CEP135: variants seen among roughly 807,000 people sequenced by gnomAD.
The protein encoded by CEP135 is centrosomal protein of 135 kDa.
A neutral mutation model predicts 157.3 loss-of-function variants in CEP135; 142 were observed. That is an observed-to-expected ratio of 0.90 (90% confidence interval 0.79 to 1.04). CEP135 has a LOEUF of 1.04. Among genes scored for constraint, CEP135 ranks in the 50% least tolerant of loss-of-function variants. CEP135 has a pLI of 0.00. For synonymous variants in CEP135, 396 were observed against 439.8 expected (o/e 0.90, Z 1.25); for missense variants, 1,317 against 1,309.2 (o/e 1.01, Z -0.09).
At chr4:55,994,980 T>C (rs4391104) in intron 15 of CEP135, among the ~76,000 whole-genome samples, 83,179 of 152,048 alleles carry the variant, frequency 0.55, 23,079 homozygotes, top group African/African-American at 0.63. Flanking sequence ...GCCACACGCC[T>C]GACCTAAGCA....
chr4:56,010,328 C>T (rs1186905113), intron 19 of CEP135, among the ~76,000 whole-genome samples: 2 of 146,684 alleles, frequency 1.4e-5, no homozygotes, highest in Non-Finnish European at 3.0e-5. Context: ...TGCCACTGCA[C>T]TCCAGCCTGG....
chr4:55,968,917 C>T (rs1237509996), intron 8 of CEP135, 146 bp from the exon 9 acceptor site: 6 of 495,106 alleles, frequency 1.2e-5, no homozygotes, highest in African/African-American at 1.0e-4. Context: ...AATTTTGCCT[C>T]TTCGTTGAAA....
intron 5 of CEP135, among the ~76,000 whole-genome samples, chr4:55,959,314 A>G (rs574921952): frequency 1.3e-5 from 2 of 152,274 alleles, no homozygotes; most frequent in Admixed American, 6.5e-5. Context: ...CAGAAAACAC[A>G]TTTTAGTTTC....
chr4:55,968,551 C>T (rs1238667946), intron 8 of CEP135, among the ~76,000 whole-genome samples: 1 of 152,118 alleles, frequency 6.6e-6, no homozygotes, highest in Non-Finnish European at 1.5e-5. Context: ...TCTTTTTCCA[C>T]CACCTTTTGC....
At position 55,965,683 on chromosome 4, in the gene CEP135, C is replaced by T. The variant is rs763361090; in HGVS notation, c.868C>T (p.Arg290Cys). Residue 290 changes from arginine (R) to cysteine (C), a missense_variant, in exon 8 of 26, where the codon CGT becomes TGT. By Grantham distance (180) the Arg-to-Cys change is radical (BLOSUM62 -3). Transcript: ENST00000257287. Reference protein sequence around the residue: ...LQQANKDLEKRIRELMETKET... With the variant: ...LQQANKDLEKCIRELMETKET... ...GCAAGCTAATAAAGACCTGGAGAAG[C>T]GTATACGAGAGCTTATGGAAACCAA... 1.7e-5 allele frequency: 27 copies of T among 1,612,480 alleles called. 2 individuals are homozygous for T. In the South Asian group the frequency reaches 2.8e-4, roughly 16 times the overall value.
intron 1 of CEP135, among the ~76,000 whole-genome samples, chr4:55,950,953 C>T (rs1728344878): frequency 6.6e-6 from 1 of 152,200 alleles, no homozygotes; most frequent in African/African-American, 2.4e-5. Context: ...CCCCAGACAA[C>T]TCTTGTTTTA....
At chr4:55,949,842 T>C (rs1728305692) in intron 1 of CEP135, among the ~76,000 whole-genome samples, 1 of 152,256 alleles carries the variant, frequency 6.6e-6, no homozygotes, top group Non-Finnish European at 1.5e-5. Flanking sequence ...TGGGAGGATT[T>C]TAATCCGTCC....
chr4:55,959,809 A>ATG (rs1728625494), intron 6 of CEP135, 43 bp downstream of exon 6: 1 of 1,405,320 alleles, frequency 7.1e-7, no homozygotes, highest in African/African-American at 1.4e-5. Context: ...TGAGATAGGT[A>ATG]TGCTGTGATT....
At chr4:56,030,647 G>A (rs1299742730) in intron 25 of CEP135, among the ~76,000 whole-genome samples, 1 of 151,836 alleles carries the variant, frequency 6.6e-6, no homozygotes, top group Non-Finnish European at 1.5e-5. Flanking sequence ...TAGATACTGG[G>A]TCTCACTATG....
intron 9 of CEP135, 93 bp downstream of exon 9, chr4:55,969,221 G>A (rs533336355): frequency 1.4e-5 from 13 of 949,614 alleles, no homozygotes; most frequent in Admixed American, 4.4e-5. Flanking sequence ...TCAGGAGTTC[G>A]AGACCATCCA....
At chr4:56,014,830 C>A (rs1730715467) in intron 21 of CEP135, among the ~76,000 whole-genome samples, 1 of 152,016 alleles carries the variant, frequency 6.6e-6, no homozygotes, top group Non-Finnish European at 1.5e-5. Flanking sequence ...CCACCTGTGT[C>A]CACCAAAAAA....
chr4:55,954,001 C>T (rs1310584550), intron 3 of CEP135, among the ~76,000 whole-genome samples: 1 of 152,190 alleles, frequency 6.6e-6, no homozygotes, highest in Non-Finnish European at 1.5e-5. Context: ...TAGGCTAATA[C>T]AGTAGCTGAA....
chr4:56,021,721 T>G (rs1342588019), intron 24 of CEP135, among the ~76,000 whole-genome samples: 1 of 152,132 alleles, frequency 6.6e-6, no homozygotes, highest in Non-Finnish European at 1.5e-5. Flanking sequence ...TGCTATGAAA[T>G]CAATATTTAC....
rs1036509200 is a variant in CEP135 at position 55,968,966 on chromosome 4, G to A, written c.1045-97G>A. On this transcript the variant is annotated intron_variant, in intron 8 of 25. Coordinates refer to ENST00000257287, the MANE Select transcript of CEP135 (RefSeq NM_025009.5). The stretch of plus-strand genomic sequence containing the variant: ...AGCCTCAGATCTCACTGGTAAGAGG[G>A]AACGTGAAGTAATTGCAAAATTACT... The A allele has an allele frequency of 6.2e-6, 5 of 800,358 alleles. No homozygotes were observed. The African/African-American group carries it at 8.9e-5, about 14-fold the overall frequency. The allele number at this position is 800,358 out of a possible 1,614,324, so 49.6% of individuals were successfully genotyped here. A position where few individuals can be genotyped will look rare whatever the true frequency, so the allele number is the denominator to read the frequency against.
chr4:55,989,961 G>A (rs1729730862), intron 14 of CEP135, among the ~76,000 whole-genome samples: 1 of 152,164 alleles, frequency 6.6e-6, no homozygotes, highest in African/African-American at 2.4e-5. Context: ...CAGGGCAAAT[G>A]CAGCCTCCAG....
intron 11 of CEP135, among the ~76,000 whole-genome samples, chr4:55,978,231 G>A (rs1729287725): frequency 6.6e-6 from 1 of 152,130 alleles, no homozygotes; most frequent in Non-Finnish European, 1.5e-5. Context: ...CACTGAAGAT[G>A]TAATGAAAAA....
chr4:55,966,116 C>T, intron 8 of CEP135: 1 of 367,382 alleles, frequency 2.7e-6, no homozygotes, highest in Non-Finnish European at 4.9e-6. Flanking sequence ...AGTCTGTTTT[C>T]CTTCACGATT....
chr4:56,028,610 G>GA (rs374349771), intron 25 of CEP135, among the ~76,000 whole-genome samples: 90 of 138,796 alleles, frequency 6.5e-4, no homozygotes, highest in East Asian at 2.3e-3. Flanking sequence ...ATTGCTCAAG[G>GA]AAAAAAAAAA....
At chr4:56,022,572 G>A (rs1386223975) in intron 24 of CEP135, among the ~76,000 whole-genome samples, 1 of 152,086 alleles carries the variant, frequency 6.6e-6, no homozygotes, top group Non-Finnish European at 1.5e-5. Context: ...ATCTTGAGAA[G>A]CACTGAACTA....
Sources: gnomAD v4.1 joint callset for allele counts (sites outside exome capture counted in the v4.1 genomes callset) on GRCh38, gnomAD v4.1.1 for gene constraint, MANE v1.5 for transcripts, NCBI Gene and HGNC (gene_info 2026-07-23, HGNC 2026-07-21) for gene names.